Variants in TSC22D1 observed in about 807,000 individuals in gnomAD.
TSC22D1 encodes the protein TSC22 domain family protein 1.
TSC22D1 carries 9 observed loss-of-function variants against 74.2 expected under a neutral mutation model. The ratio of observed to expected loss-of-function variants is 0.12; its 90% CI spans 0.07 to 0.21. TSC22D1 has a LOEUF of 0.21. Among genes scored for constraint, TSC22D1 ranks in the 10% least tolerant of loss-of-function variants. The pLI is 1.00. For synonymous variants in TSC22D1, 586 were observed against 492.5 expected (o/e 1.19, Z -2.51); for missense variants, 1,427 against 1,304.7 (o/e 1.09, Z -1.44).
chr13:44,532,759 C>T (rs1331460081), intron 1 of TSC22D1, among the ~76,000 whole-genome samples: 2 of 152,136 alleles, frequency 1.3e-5, no homozygotes, highest in East Asian at 3.9e-4. Context: ...AGGCGTGAGC[C>T]ACCACACCCA....
chr13:44,450,614 G>GT (rs1170367795), intron 1 of TSC22D1, among the ~76,000 whole-genome samples: 4 of 152,198 alleles, frequency 2.6e-5, no homozygotes, highest in Admixed American at 2.0e-4. Flanking sequence ...CTTGTGTGAG[G>GT]TAAGGGAGGC....
Position 44,576,063 on chromosome 13 carries a change from C to G in TSC22D1, c.12G>C (p.Pro4=). The G allele has an allele frequency of 6.4e-7, 1 of 1,559,882 alleles. No homozygotes were observed. Among genetic ancestry groups the G allele is most frequent in the Non-Finnish European group, 8.7e-7 (1 of 1,155,996 alleles). The change falls in exon 1 of 3, where the codon CCG becomes CCC. Residue 4 remains proline (P), a synonymous_variant. Coordinates refer to ENST00000458659, the MANE Select transcript of TSC22D1 (RefSeq NM_183422.4). The part of the protein sequence containing the change: MHQ[P]PESTAAAAAA... ...CGGCGGCCGCGGCGGTGGACTCAGG[C>G]GGCTGGTGCATTGTGTTGGGTACCG...
chr13:44,559,609 C>A (rs776261297), intron 1 of TSC22D1, among the ~76,000 whole-genome samples: 1 of 152,000 alleles, frequency 6.6e-6, no homozygotes, highest in Non-Finnish European at 1.5e-5. Context: ...ACTGCAGCCT[C>A]GAACTCCTGG....
At chr13:44,483,384 G>A (rs1878272222) in intron 1 of TSC22D1, among the ~76,000 whole-genome samples, 1 of 152,146 alleles carries the variant, frequency 6.6e-6, no homozygotes, top group African/African-American at 2.4e-5. Flanking sequence ...ATTATGGGCC[G>A]GGTGCGGTGG....
At chr13:44,561,153 TGGATTAAGTGGA>T (rs1249920051) in intron 1 of TSC22D1, among the ~76,000 whole-genome samples, 1 of 152,208 alleles carries the variant, frequency 6.6e-6, no homozygotes, top group African/African-American at 2.4e-5. Flanking sequence ...GTTTAACCTC[TGGATTAAGTGGA>T]GTGTTACCAT....
At chr13:44,545,984 A>T (rs57934497) in intron 1 of TSC22D1, among the ~76,000 whole-genome samples, 16,551 of 151,814 alleles carry the variant, frequency 0.11, 1,597 homozygotes, top group African/African-American at 0.26. Flanking sequence ...CTCAAAAAAA[A>T]AAATAAATAA....
chr13:44,528,437 T>G (rs1009299488), intron 1 of TSC22D1, among the ~76,000 whole-genome samples: 2 of 152,024 alleles, frequency 1.3e-5, no homozygotes, highest in African/African-American at 4.8e-5. Context: ...AAAAATACAC[T>G]TCTAAATATA....
chr13:44,572,518 A>G (rs1030271238), intron 1 of TSC22D1, among the ~76,000 whole-genome samples: 16 of 152,234 alleles, frequency 1.1e-4, no homozygotes, highest in African/African-American at 3.9e-4. Context: ...TACTATCAAG[A>G]TAAGTCTGGT....
At chr13:44,564,063 C>T (rs1366235218) in intron 1 of TSC22D1, among the ~76,000 whole-genome samples, 1 of 152,138 alleles carries the variant, frequency 6.6e-6, no homozygotes, top group African/African-American at 2.4e-5. Context: ...TCAGTTAATT[C>T]TCTCTTAAAG....
At chr13:44,572,330 A>G (rs1883825884) in intron 1 of TSC22D1, among the ~76,000 whole-genome samples, 1 of 152,202 alleles carries the variant, frequency 6.6e-6, no homozygotes, top group African/African-American at 2.4e-5. Flanking sequence ...TTAATAATGT[A>G]CTTTAGGCTT....
At chr13:44,469,540 G>A (rs975662489) in intron 1 of TSC22D1, among the ~76,000 whole-genome samples, 1 of 152,122 alleles carries the variant, frequency 6.6e-6, no homozygotes, top group Admixed American at 6.5e-5. Flanking sequence ...TTGAAGTTCA[G>A]AGTTAGTTTT....
intron 1 of TSC22D1, among the ~76,000 whole-genome samples, chr13:44,527,430 C>CA (rs1880600881): frequency 6.6e-6 from 1 of 152,050 alleles, no homozygotes; most frequent in African/African-American, 2.4e-5. Flanking sequence ...AAGGTACCAG[C>CA]ACTGCCCATA....
At chr13:44,473,826 TAGAA>T (rs1877744750) in intron 1 of TSC22D1, among the ~76,000 whole-genome samples, 1 of 152,238 alleles carries the variant, frequency 6.6e-6, no homozygotes, top group South Asian at 2.1e-4. Context: ...TGTTTTCTGA[TAGAA>T]AGGCTCAATA....
chr13:44,457,127 T>C (rs1876702257), intron 1 of TSC22D1, among the ~76,000 whole-genome samples: 1 of 152,278 alleles, frequency 6.6e-6, no homozygotes, highest in African/African-American at 2.4e-5. Context: ...CATTTGCTTA[T>C]GTGTGATTTT....
chr13:44,516,675 T>C (rs1200203498), intron 1 of TSC22D1, among the ~76,000 whole-genome samples: 1 of 152,202 alleles, frequency 6.6e-6, no homozygotes, highest in Non-Finnish European at 1.5e-5. Context: ...AAGAGACATT[T>C]TTTAAAGTAC....
chr13:44,560,925 T>C (rs1882997143), intron 1 of TSC22D1, among the ~76,000 whole-genome samples: 1 of 152,222 alleles, frequency 6.6e-6, no homozygotes, highest in East Asian at 1.9e-4. Context: ...TGACGTCAAC[T>C]TACATGCCTC....
At chr13:44,480,072 GT>G (rs1381154371) in intron 1 of TSC22D1, among the ~76,000 whole-genome samples, 2 of 150,654 alleles carry the variant, frequency 1.3e-5, no homozygotes, top group Non-Finnish European at 3.0e-5. Context: ...GAAAAATAGT[GT>G]TAATAACAAG....
chr13:44,510,992 T>A (rs1879686851), intron 1 of TSC22D1, among the ~76,000 whole-genome samples: 1 of 152,176 alleles, frequency 6.6e-6, no homozygotes, highest in Non-Finnish European at 1.5e-5. Flanking sequence ...AAGTATAATT[T>A]CAAACATTTT....
Position 44,575,123 on chromosome 13 carries a change from T to C in TSC22D1, c.952A>G (p.Ile318Val). The C allele has an allele frequency of 6.2e-7, 1 of 1,614,230 alleles. No individual in the cohort carries two copies. Among genetic ancestry groups the C allele is most frequent in the East Asian group, 2.2e-5 (1 of 44,894 alleles). The change falls in exon 1 of 3, where the codon ATT (isoleucine) becomes GTT (valine). Residue 318 changes from isoleucine (I) to valine (V), a missense_variant. By Grantham distance (29) the Ile-to-Val change is conservative (BLOSUM62 3). Coordinates refer to ENST00000458659, the MANE Select transcript of TSC22D1 (RefSeq NM_183422.4). ...GGATTAAAACTACCCACAGCAGTAATGTTAACATTATTTACTGTACTAGTG... is the reference window on the plus strand; with the variant it reads ...GGATTAAAACTACCCACAGCAGTAACGTTAACATTATTTACTGTACTAGTG... ...TGTSTVNNVN[I>V]TAVGSFNPNV...
Sources: allele counts gnomAD v4.1 joint callset (sites outside exome capture counted in the v4.1 genomes callset), GRCh38; gene constraint gnomAD v4.1.1; transcripts MANE v1.5; gene names NCBI Gene and HGNC (gene_info 2026-07-23, HGNC 2026-07-21).